PCDHA5: variants seen among roughly 807,000 people sequenced by gnomAD.
The protein encoded by PCDHA5 is protocadherin alpha 5.
A neutral mutation model predicts 61.6 loss-of-function variants in PCDHA5; 43 were observed. That is an observed-to-expected ratio of 0.70 (90% CI 0.55 to 0.90). The LOEUF is 0.90. Ranked by LOEUF, PCDHA5 falls within the 40% of genes least tolerant of loss-of-function variation. The pLI, the probability that PCDHA5 is intolerant of heterozygous loss-of-function variation, is 0.00. For synonymous variants in PCDHA5, 627 were observed against 543.9 expected, an observed-to-expected ratio of 1.15 and a Z score of -2.13; for missense variants, 1,298 against 1,222.7, an observed-to-expected ratio of 1.06 and a Z score of -0.92.
chr5:140,931,952 A>G (rs1159894265), intron 1 of PCDHA5, among the ~76,000 whole-genome samples: 2 of 151,970 alleles, frequency 1.3e-5, no homozygotes, highest in African/African-American at 4.8e-5. Flanking sequence ...AGTCTTACAG[A>G]ATCATGTTGA....
chr5:140,895,995 G>A (rs2065293379), intron 1 of PCDHA5, among the ~76,000 whole-genome samples: 1 of 152,058 alleles, frequency 6.6e-6, no homozygotes, highest in Non-Finnish European at 1.5e-5. Flanking sequence ...ATTTTAAGTA[G>A]AGACAGGGTT....
Position 140,894,245 on chromosome 5 carries a change from C to T in PCDHA5, c.2352+70118C>T, listed in dbSNP as rs1273703512. ...AGATGTTGAATGACAATGTAATTTT[C>T]TTTTCTTTACAAGTGGTAGCTTATT... On this transcript the variant is annotated intron_variant, in intron 1 of 3. Coordinates refer to ENST00000529859, the MANE Select transcript of PCDHA5 (RefSeq NM_018908.3). 4.0e-5 allele frequency among the ~76,000 whole-genome samples: 6 copies of T among 151,858 alleles called. No homozygotes were observed. In the East Asian group the frequency reaches 1.2e-3, roughly 29 times the overall value.
In PCDHA5 at chr5:140,822,755, TC is replaced by T; in HGVS notation, c.983del (p.Pro328HisfsTer8). 3.7e-6 allele frequency: 6 copies of T among 1,613,922 alleles called. No individual in the cohort carries two copies. In the South Asian group the frequency reaches 6.6e-5, roughly 18 times the overall value. ...ATTGATGCCATGGATAAAAGTACAT[TC>T]CCATTATCAGGACACTGTAAAGTAG... ...INIDAMDKST[F>X]PLSGHCKVVV... On this transcript the variant is annotated frameshift_variant, in exon 1 of 4. Transcript: ENST00000529859. LOFTEE classifies it high-confidence loss of function.
At chr5:140,942,950 T>G (rs1461424409) in intron 1 of PCDHA5, among the ~76,000 whole-genome samples, 1 of 151,716 alleles carries the variant, frequency 6.6e-6, no homozygotes, top group Non-Finnish European at 1.5e-5. Context: ...AGTGTAGACG[T>G]TCTGTTATCA....
chr5:140,898,674 C>G (rs1174441906), intron 1 of PCDHA5, among the ~76,000 whole-genome samples: 1 of 152,160 alleles, frequency 6.6e-6, no homozygotes, highest in Non-Finnish European at 1.5e-5. Context: ...GTGTTGCGGG[C>G]TGTTTTTTGG....
chr5:140,852,025 G>T, intron 1 of PCDHA5: 1 of 947,208 alleles, frequency 1.1e-6, no homozygotes. Flanking sequence ...TAAAAACTTC[G>T]CTTATTGAGT....
chr5:140,852,151 C>T, intron 1 of PCDHA5: 1 of 861,106 alleles, frequency 1.2e-6, no homozygotes, highest in Non-Finnish European at 1.4e-6. Context: ...ATCAGAATGG[C>T]CTTGAGAATA....
At chr5:140,873,835 A>G (rs917455135) in intron 1 of PCDHA5, among the ~76,000 whole-genome samples, 3 of 151,964 alleles carry the variant, frequency 2.0e-5, no homozygotes, top group Admixed American at 6.6e-5. Flanking sequence ...TAATTTTTGT[A>G]TTTTTAGTAG....
chr5:140,826,616 G>C (rs2150144460), intron 1 of PCDHA5, among the ~76,000 whole-genome samples: 4 of 152,230 alleles, frequency 2.6e-5, no homozygotes, highest in Non-Finnish European at 5.9e-5. Flanking sequence ...GGGCGAAGTT[G>C]ATATTTGGCC....
At chr5:140,898,870 C>T (rs1477095887) in intron 1 of PCDHA5, among the ~76,000 whole-genome samples, 3 of 151,586 alleles carry the variant, frequency 2.0e-5, no homozygotes, top group South Asian at 4.2e-4. Context: ...TTTCATTGAG[C>T]AGTGGTTTGT....
At chr5:140,973,442 A>G (rs1230315099) in intron 1 of PCDHA5, among the ~76,000 whole-genome samples, 4 of 152,274 alleles carry the variant, frequency 2.6e-5, no homozygotes, top group Non-Finnish European at 5.9e-5. Context: ...TGGTCACTTT[A>G]TAATGACTGG....
At chr5:140,875,395 GT>G in intron 1 of PCDHA5, 1 of 1,478,260 alleles carries the variant, frequency 6.8e-7, no homozygotes, top group African/African-American at 1.4e-5. Context: ...ACAGAAAAGG[GT>G]GACTGCTCAT....
chr5:140,836,336 G>A (rs1346966791), intron 1 of PCDHA5: 4 of 1,613,640 alleles, frequency 2.5e-6, no homozygotes, highest in Admixed American at 1.7e-5. Context: ...TGGTGCTTGT[G>A]AAGGACCACG....
chr5:141,000,361 G>GTCTC (rs148596731), intron 3 of PCDHA5, among the ~76,000 whole-genome samples: 446 of 26,454 alleles, frequency 0.017, 11 homozygotes, highest in Non-Finnish European at 0.022. Flanking sequence ...GTCTCTCTCT[G>GTCTC]TCTCTCTCTC....
intron 3 of PCDHA5, among the ~76,000 whole-genome samples, chr5:140,987,825 G>A (rs1181525478): frequency 1.3e-5 from 2 of 151,894 alleles, no homozygotes; most frequent in Admixed American, 1.3e-4. Flanking sequence ...GTTTCCTTAG[G>A]GGATTGCTTT....
At chr5:140,964,677 A>G (rs578237071) in intron 1 of PCDHA5, among the ~76,000 whole-genome samples, 11 of 152,090 alleles carry the variant, frequency 7.2e-5, no homozygotes, top group Non-Finnish European at 1.0e-4. Flanking sequence ...CAGGTCCACA[A>G]TTTGTGCACT....
At chr5:140,876,921 C>T (rs1554169105) in intron 1 of PCDHA5, 13 of 1,613,926 alleles carry the variant, frequency 8.1e-6, no homozygotes, top group East Asian at 4.5e-5. Context: ...GGGACGCGGA[C>T]GCGCAGAAGA....
intron 1 of PCDHA5, among the ~76,000 whole-genome samples, chr5:140,906,871 A>G (rs953788729): frequency 6.6e-6 from 1 of 152,184 alleles, no homozygotes; most frequent in African/African-American, 2.4e-5. Flanking sequence ...CCCAGCCAAC[A>G]CTGTAACTTC....
chr5:140,856,019 C>T (rs2043732184), intron 1 of PCDHA5: 1 of 1,551,820 alleles, frequency 6.4e-7, no homozygotes, highest in East Asian at 2.3e-5. Flanking sequence ...ACCGCTGATT[C>T]GTCGATTTGT....
Sources: allele counts gnomAD v4.1 joint callset (sites outside exome capture counted in the v4.1 genomes callset), GRCh38; gene constraint gnomAD v4.1.1; transcripts MANE v1.5; gene names NCBI Gene and HGNC (gene_info 2026-07-23, HGNC 2026-07-21).